ZNF853: variants seen among roughly 807,000 people sequenced by gnomAD.
ZNF853 encodes zinc finger protein 853.
A neutral mutation model predicts 94.7 loss-of-function variants in ZNF853; 57 were observed. That is an observed-to-expected ratio of 0.60 (90% CI 0.49 to 0.75). The LOEUF (loss-of-function observed/expected upper bound fraction) is 0.75, where lower values mean the gene tolerates loss of function less well. Ranked by LOEUF, ZNF853 falls within the 30% of genes least tolerant of loss-of-function variation. The pLI, the probability that ZNF853 is intolerant of heterozygous loss-of-function variation, is 0.00. For missense variants in ZNF853, 785 were observed against 868.9 expected (o/e 0.90, Z 1.21); for synonymous variants, 448 against 406.3 (o/e 1.10, Z -1.23).
At chr7:6,620,824 G>C in intron 2 of ZNF853, among the ~76,000 whole-genome samples, 1 of 152,208 alleles carries the variant, frequency 6.6e-6, no homozygotes, top group Non-Finnish European at 1.5e-5. Context: ...ATGTTGCCCA[G>C]GCTGGTTTCG....
Position 6,622,644 on chromosome 7 carries a change from C to T in ZNF853, c.1653C>T (p.Ser551=), listed in dbSNP as rs778265515. 3 of 1,579,084 alleles carry T rather than the reference C, an allele frequency of 1.9e-6. No individual in the cohort carries two copies. The highest frequency in any genetic ancestry group is 3.7e-5 in the Admixed American group (2 of 54,518). ...YACSYCAKRF[S]ESSALVQHQR... is the part of the protein sequence containing the mutation. The stretch of plus-strand genomic sequence containing the variant: ...GCTCCTACTGCGCCAAGCGCTTCAG[C>T]GAGAGCTCGGCGCTCGTGCAGCACC... Residue 551 remains serine (S), a synonymous_variant, in exon 3 of 3, where the codon AGC becomes AGT. Coordinates refer to ENST00000457543, the MANE Select transcript of ZNF853 (RefSeq NM_017560.3).
chr7:6,623,334 T>C lies in ZNF853; in HGVS notation c.*363T>C. On this transcript the variant is annotated 3_prime_UTR_variant, in exon 3 of 3. Transcript: ENST00000457543. ...ACGATTAATGACACTGGCCGAGGAC[T>C]GGACACCCACCAGGGAATCAAGACG... The C allele has an allele frequency of 2.5e-6, 1 of 398,536 alleles. No individual in the cohort carries two copies. Among genetic ancestry groups the C allele is most frequent in the Non-Finnish European group, 4.4e-6 (1 of 226,050 alleles). 24.7% of individuals were successfully genotyped at this position (398,536 alleles called of 1,614,324 possible).
At chr7:6,618,159 G>A in intron 2 of ZNF853, among the ~76,000 whole-genome samples, 1 of 151,980 alleles carries the variant, frequency 6.6e-6, no homozygotes, top group Non-Finnish European at 1.5e-5. Context: ...AATGAGCTGG[G>A]TGTGGTGGGC....
At position 6,622,553 on chromosome 7, in the gene ZNF853, G is replaced by A. The variant is rs1383337637; in HGVS notation, c.1562G>A (p.Gly521Asp). 1 of 1,556,636 alleles carries A rather than the reference G, an allele frequency of 6.4e-7. No homozygotes were observed. Among genetic ancestry groups the A allele is most frequent in the South Asian group, 1.2e-5 (1 of 84,768 alleles). Residue 521 changes from glycine (G) to aspartate (D), a missense_variant, in exon 3 of 3, where the codon GGC (glycine) becomes GAC (aspartate). By Grantham distance (94) the Gly-to-Asp change is moderately conservative. Coordinates refer to ENST00000457543, the MANE Select transcript of ZNF853 (RefSeq NM_017560.3). ...RPHRCGECGK[G>D]FSQHSNLVTH... is the part of the protein sequence containing the mutation. ...CACCGCTGCGGCGAGTGCGGCAAGG[G>A]CTTCTCGCAGCACTCGAATCTGGTG... is the stretch of plus-strand genomic sequence containing the variant.
At chr7:6,616,643 G>T in intron 1 of ZNF853, among the ~76,000 whole-genome samples, 1 of 151,980 alleles carries the variant, frequency 6.6e-6, no homozygotes, top group Non-Finnish European at 1.5e-5. Context: ...GCGGAGGCAG[G>T]AGAATCGCTT....
chr7:6,618,710 AAAAC>A, intron 2 of ZNF853, among the ~76,000 whole-genome samples: 14 of 152,120 alleles, frequency 9.2e-5, no homozygotes, highest in Admixed American at 3.3e-4. Flanking sequence ...GATCCTGTTT[AAAAC>A]AAACAAACAA....
chr7:6,617,398 T>C, intron 2 of ZNF853, 91 bp downstream of exon 2: 20 of 1,070,462 alleles, frequency 1.9e-5, no homozygotes, highest in Middle Eastern at 3.1e-4. Flanking sequence ...CTGCACAGAC[T>C]CACACCAGCC....
At chr7:6,618,153 A>G in intron 2 of ZNF853, among the ~76,000 whole-genome samples, 1 of 151,778 alleles carries the variant, frequency 6.6e-6, no homozygotes, top group African/African-American at 2.4e-5. Flanking sequence ...TACAAAAATG[A>G]GCTGGGTGTG....
chr7:6,620,815 TG>T, intron 2 of ZNF853, among the ~76,000 whole-genome samples: 5 of 152,210 alleles, frequency 3.3e-5, no homozygotes, highest in Admixed American at 6.5e-5. Context: ...GCTTTCGCCA[TG>T]TTGCCCAGGC....
chr7:6,622,801 G>A lies in ZNF853; in HGVS notation c.1810G>A (p.Glu604Lys). 2 of 1,533,882 alleles carry A rather than the reference G, an allele frequency of 1.3e-6. No individual in the cohort carries two copies. The highest frequency in any genetic ancestry group is 1.7e-6 in the Non-Finnish European group (2 of 1,144,334). Residue 604 changes from glutamate to lysine, a missense_variant, in exon 3 of 3, where the codon GAG becomes AAG. Physicochemically the swap from Glu to Lys is moderately conservative, Grantham distance 56. Coordinates refer to ENST00000457543, the MANE Select transcript of ZNF853 (RefSeq NM_017560.3). Reference protein sequence around the residue: ...ERPYVCEDCGERFRHKVQIRR... With the variant: ...ERPYVCEDCGKRFRHKVQIRR... ...GCCCTACGTGTGCGAGGACTGTGGC[G>A]AGCGCTTCCGACACAAGGTGCAGAT...
chr7:6,617,649 C>A, intron 2 of ZNF853: 1 of 985,438 alleles, frequency 1.0e-6, no homozygotes, highest in Non-Finnish European at 1.2e-6. Flanking sequence ...CTCAATTTCC[C>A]GGATCCGATT....
chr7:6,616,179 T>C lies in ZNF853; in HGVS notation c.5T>C (p.Leu2Pro), dbSNP rs1782502271. 1.3e-6 allele frequency: 2 copies of C among 1,547,694 alleles called. No homozygotes were observed. The highest frequency in any genetic ancestry group is 1.4e-5 in the African/African-American group (1 of 73,026). Residue 2 changes from leucine to proline, a missense_variant, in exon 1 of 3, where the codon CTC becomes CCC. Physicochemically the swap from Leu to Pro is moderately conservative, Grantham distance 98 (BLOSUM62 -3). Transcript: ENST00000457543. M[L>P]HQPTPGNRGL... ...GAGGCTGCCCGGGAGCAGGAAATGC[T>C]CCACCAGGTGAGGCCCAGGGGGTCG... is the stretch of plus-strand genomic sequence containing the variant.
At position 6,615,648 on chromosome 7, in the gene ZNF853, C is replaced by T. The variant is rs1461555026; in HGVS notation, c.-527C>T. On this transcript the variant is annotated 5_prime_UTR_variant, in exon 1 of 3. Coordinates refer to ENST00000457543, the MANE Select transcript of ZNF853 (RefSeq NM_017560.3). The surrounding 1 kb of genome is among the most constrained non-coding windows in gnomAD (Gnocchi z 8.5). ...CCAGCGGCCCGCACGGACGCACTCC[C>T]GGGCGGGCGGGCGAGCCCAGGGGGA... The T allele has an allele frequency of 2.8e-5, 4 of 143,790 alleles. No individual in the cohort carries two copies. Among genetic ancestry groups the T allele is most frequent in the South Asian group, 2.2e-4 (1 of 4,608 alleles). 8.9% of individuals were successfully genotyped at this position (143,790 alleles called of 1,614,324 possible).
At position 6,622,918 on chromosome 7, in the gene ZNF853, G is replaced by C. The variant is rs1782667115; in HGVS notation, c.1927G>C (p.Ala643Pro). The change falls in exon 3 of 3, where the codon GCC becomes CCC. Residue 643 changes from alanine to proline, a missense_variant. Physicochemically the swap from Ala to Pro is conservative, Grantham distance 27 (BLOSUM62 -1). Coordinates refer to ENST00000457543, the MANE Select transcript of ZNF853 (RefSeq NM_017560.3). ...GCGGCCGGCGGCCCTCGGTGGCCCA[G>C]CCCGCGCGGAGCAGGCCGCTACAGC... ...ASRPAALGGP[A>P]RAEQAATATA... 3.2e-6 allele frequency: 4 copies of C among 1,249,464 alleles called. No individual in the cohort carries two copies. Among genetic ancestry groups the C allele is most frequent in the Non-Finnish European group, 4.0e-6 (4 of 998,870 alleles). 77.4% of individuals were successfully genotyped at this position (1,249,464 alleles called of 1,614,324 possible).
Position 6,617,019 on chromosome 7 carries a change from G to A in ZNF853, c.13-171G>A. ...CCCAGTCCTGAGCCTCCAGGCCGCC[G>A]GCACTCCCCGTTCCCCGTTGCGGGG... On this transcript the variant is annotated intron_variant, in intron 1 of 2. Transcript: ENST00000457543. Among the ~76,000 whole-genome samples the A allele has an allele frequency of 1.9e-3, 283 of 152,236 alleles. 1 individual carries two copies. Among genetic ancestry groups the A allele is most frequent in the Non-Finnish European group, 3.1e-3 (213 of 68,002 alleles).
At chr7:6,619,430 C>G in intron 2 of ZNF853, among the ~76,000 whole-genome samples, 2 of 152,076 alleles carry the variant, frequency 1.3e-5, no homozygotes, top group Non-Finnish European at 2.9e-5. Context: ...CACCACCACG[C>G]CCGACTAATT....
At position 6,622,567 on chromosome 7, in the gene ZNF853, T is replaced by G. The variant is rs2115291416; in HGVS notation, c.1576T>G (p.Ser526Ala). 1 of 1,565,220 alleles carries G rather than the reference T, an allele frequency of 6.4e-7. No homozygotes were observed. The highest frequency in any genetic ancestry group is 8.6e-7 in the Non-Finnish European group (1 of 1,156,136). Reference protein sequence around the residue: ...GECGKGFSQHSNLVTHQRIHT... With the variant: ...GECGKGFSQHANLVTHQRIHT... ...GTGCGGCAAGGGCTTCTCGCAGCAC[T>G]CGAATCTGGTGACGCACCAACGCAT... Residue 526 changes from serine (S) to alanine (A), a missense_variant, in exon 3 of 3, where the codon TCG becomes GCG. By Grantham distance (99) the Ser-to-Ala change is moderately conservative. Transcript: ENST00000457543.
Position 6,621,196 on chromosome 7 carries a change from GTC to G in ZNF853, c.208_209del (p.Ser70GlyfsTer7), listed in dbSNP as rs1782591246. The G allele has an allele frequency of 6.6e-7, 1 of 1,521,538 alleles. No individual in the cohort carries two copies. The highest frequency in any genetic ancestry group is 8.8e-7 in the Non-Finnish European group (1 of 1,132,588). 94.3% of individuals were successfully genotyped at this position (1,521,538 alleles called of 1,614,324 possible). A position where few individuals can be genotyped will look rare whatever the true frequency, so the allele number is the denominator to read the frequency against. On this transcript the variant is annotated frameshift_variant, in exon 3 of 3. Coordinates refer to ENST00000457543, the MANE Select transcript of ZNF853 (RefSeq NM_017560.3). LOFTEE classifies it high-confidence loss of function. ...GAACAGCAGTCCACAGCGGCCAGCA[GTC>G]TCGGCCCCAGTGGGGGCCAGTGAAA... Reference protein sequence around the residue: ...ERNSSPQRPAVSAPVGASEIA... With the variant: ...ERNSSPQRPAXSAPVGASEIA...
rs1239318801 is a variant in ZNF853, at chr7:6,622,559, C to G, written c.1568C>G (p.Ser523Trp). 15 of 1,559,196 alleles carry G rather than the reference C, an allele frequency of 9.6e-6. No individual in the cohort carries two copies. The highest frequency in any genetic ancestry group is 1.2e-5 in the Non-Finnish European group (14 of 1,152,638). The change falls in exon 3 of 3, where the codon TCG (serine) becomes TGG (tryptophan). Residue 523 changes from serine (S) to tryptophan (W), a missense_variant. Coordinates refer to ENST00000457543, the MANE Select transcript of ZNF853 (RefSeq NM_017560.3). ...HRCGECGKGF[S>W]QHSNLVTHQR... is the part of the protein sequence containing the mutation. ...TGCGGCGAGTGCGGCAAGGGCTTCT[C>G]GCAGCACTCGAATCTGGTGACGCAC...
Sources: allele counts gnomAD v4.1 joint callset (sites outside exome capture counted in the v4.1 genomes callset), GRCh38; gene constraint gnomAD v4.1.1; non-coding constraint Gnocchi (gnomAD v3.1); transcripts MANE v1.5; gene names NCBI Gene and HGNC (gene_info 2026-07-23, HGNC 2026-07-21).